ELMO1: variants seen among roughly 807,000 people sequenced by gnomAD.
ELMO1 encodes the protein engulfment and cell motility 1.
In ELMO1, 26 loss-of-function variants were observed where a neutral mutation model predicts 98.9. The ratio of observed to expected loss-of-function variants is 0.26; its 90% CI spans 0.19 to 0.36. The LOEUF is 0.36. Among genes scored for constraint, ELMO1 ranks in the 10% least tolerant of loss-of-function variants. ELMO1 has a pLI of 1.00. For missense variants in ELMO1, 627 were observed against 935.2 expected (o/e 0.67, Z 4.30); for synonymous variants, 346 against 346.0 (o/e 1.00, Z 0.00).
chr7:37,134,936 G>T (rs1051702960), intron 13 of ELMO1, among the ~76,000 whole-genome samples: 2 of 152,186 alleles, frequency 1.3e-5, no homozygotes, highest in African/African-American at 4.8e-5. Flanking sequence ...GGGATGATGA[G>T]AAATTGTTTA....
At chr7:37,138,942 T>C (rs1032507708) in intron 13 of ELMO1, among the ~76,000 whole-genome samples, 23 of 152,334 alleles carry the variant, frequency 1.5e-4, no homozygotes, top group Admixed American at 1.3e-3. Context: ...ATAAATGTGA[T>C]ACACCACATA....
intron 15 of ELMO1, among the ~76,000 whole-genome samples, chr7:37,085,553 T>C (rs935992534): frequency 3.9e-5 from 6 of 152,174 alleles, no homozygotes; most frequent in Non-Finnish European, 8.8e-5. Flanking sequence ...CATACTAATA[T>C]TCTACTTTTA....
intron 13 of ELMO1, among the ~76,000 whole-genome samples, chr7:37,159,868 A>G (rs1279948164): frequency 6.6e-6 from 1 of 152,224 alleles, no homozygotes; most frequent in Non-Finnish European, 1.5e-5. Context: ...AATACAGCAC[A>G]AAGTTAGTAT....
intron 1 of ELMO1, among the ~76,000 whole-genome samples, chr7:37,436,314 C>G (rs1278833944): frequency 6.6e-6 from 1 of 152,182 alleles, no homozygotes; most frequent in Non-Finnish European, 1.5e-5. Flanking sequence ...TGCTGAATAA[C>G]CCATGTTTAC....
At chr7:37,382,529 G>A (rs893252492) in intron 1 of ELMO1, among the ~76,000 whole-genome samples, 2 of 152,136 alleles carry the variant, frequency 1.3e-5, no homozygotes, top group Non-Finnish European at 2.9e-5. Flanking sequence ...GAAAGCAGAA[G>A]ATAAATTCTT....
chr7:37,364,359 C>T (rs1333485436), intron 1 of ELMO1, among the ~76,000 whole-genome samples: 1 of 152,216 alleles, frequency 6.6e-6, no homozygotes, highest in Non-Finnish European at 1.5e-5. Context: ...AAATTGTTCC[C>T]AGTTTCAGAC....
intron 13 of ELMO1, among the ~76,000 whole-genome samples, chr7:37,172,981 T>A (rs536055238): frequency 1.3e-4 from 20 of 152,254 alleles, no homozygotes; most frequent in African/African-American, 4.6e-4. Context: ...GGAACTCGGA[T>A]CCTGAAACAA....
At chr7:36,989,401 T>C (rs962960537) in intron 16 of ELMO1, among the ~76,000 whole-genome samples, 1 of 152,170 alleles carries the variant, frequency 6.6e-6, no homozygotes, top group African/African-American at 2.4e-5. Flanking sequence ...CAAGTGCATC[T>C]CTCCCCAATC....
At chr7:37,217,681 T>C in intron 10 of ELMO1, 1 of 457,010 alleles carries the variant, frequency 2.2e-6, no homozygotes, top group Non-Finnish European at 4.4e-6. Flanking sequence ...GGGCCCACTT[T>C]ACGCTAACAA....
intron 16 of ELMO1, among the ~76,000 whole-genome samples, chr7:37,001,015 G>C (rs902173274): frequency 1.3e-5 from 2 of 151,788 alleles, no homozygotes; most frequent in African/African-American, 4.9e-5. Context: ...GAACAATTCA[G>C]TTTCTTTTGC....
chr7:37,386,750 G>A (rs932550871), intron 1 of ELMO1, among the ~76,000 whole-genome samples: 1 of 152,168 alleles, frequency 6.6e-6, no homozygotes, highest in African/African-American at 2.4e-5. Context: ...CGTGCAGCCC[G>A]AGAGTTCTCG....
chr7:37,252,221 G>T (rs1795387987), intron 6 of ELMO1, among the ~76,000 whole-genome samples: 1 of 152,004 alleles, frequency 6.6e-6, no homozygotes, highest in Non-Finnish European at 1.5e-5. Context: ...CACAGAATTA[G>T]AAAAAACTAC....
intron 13 of ELMO1, among the ~76,000 whole-genome samples, chr7:37,187,489 T>C (rs1339352023): frequency 6.6e-6 from 1 of 152,218 alleles, no homozygotes; most frequent in Non-Finnish European, 1.5e-5. Context: ...ATATGAGTTA[T>C]GTTCTCAGTT....
At chr7:37,295,172 T>C (rs1276771003) in intron 4 of ELMO1, among the ~76,000 whole-genome samples, 2 of 152,180 alleles carry the variant, frequency 1.3e-5, no homozygotes, top group East Asian at 3.8e-4. Context: ...GAGAATGATA[T>C]ACTTCAATTT....
rs141816123 is a variant in ELMO1 at position 36,883,383 on chromosome 7, A to G, written c.1714+4177T>C. On this transcript the variant is annotated intron_variant, in intron 18 of 21. Coordinates refer to ENST00000310758, the MANE Select transcript of ELMO1 (RefSeq NM_014800.11). ...GCAGTTCTTGAGCCTACAGATTCTCATGAAGCAAATAGTGGCTGGTATCAT... is the reference window on the plus strand; with the variant it reads ...GCAGTTCTTGAGCCTACAGATTCTCGTGAAGCAAATAGTGGCTGGTATCAT... Among the ~76,000 whole-genome samples the G allele has an allele frequency of 3.4e-4, 52 of 152,346 alleles. 1 individual carries two copies. In the East Asian group the frequency reaches 8.5e-3, roughly 25 times the overall value.
At chr7:37,276,387 T>C (rs1796833923) in intron 4 of ELMO1, among the ~76,000 whole-genome samples, 1 of 152,096 alleles carries the variant, frequency 6.6e-6, no homozygotes, top group Admixed American at 6.5e-5. Context: ...GGCAGGCAGA[T>C]CACGAGGTCA....
chr7:37,098,968 G>T (rs1005892648), intron 14 of ELMO1, among the ~76,000 whole-genome samples: 1 of 152,172 alleles, frequency 6.6e-6, no homozygotes, highest in African/African-American at 2.4e-5. Context: ...AACATTTCAT[G>T]AGCACATTAA....
chr7:37,055,144 A>G (rs1275722210), intron 15 of ELMO1, among the ~76,000 whole-genome samples: 1 of 152,246 alleles, frequency 6.6e-6, no homozygotes, highest in Non-Finnish European at 1.5e-5. Context: ...ATTAAAATGA[A>G]TGTGTGCACA....
intron 1 of ELMO1, among the ~76,000 whole-genome samples, chr7:37,350,588 T>C (rs1445961772): frequency 6.6e-6 from 1 of 152,172 alleles, no homozygotes; most frequent in Non-Finnish European, 1.5e-5. Context: ...TCTTAACTAG[T>C]TTAAATGACT....
Sources: gnomAD v4.1 joint callset for allele counts (sites outside exome capture counted in the v4.1 genomes callset) on GRCh38, gnomAD v4.1.1 for gene constraint, MANE v1.5 for transcripts, NCBI Gene and HGNC (gene_info 2026-07-23, HGNC 2026-07-21) for gene names.